Variants in BLCAP observed in about 807,000 individuals in gnomAD.
BLCAP encodes the protein BLCAP apoptosis inducing factor.
Under a neutral mutation model 5.7 loss-of-function variants are expected in BLCAP, and 1 was observed. The ratio of observed to expected loss-of-function variants is 0.18; its 90% confidence interval spans 0.06 to 0.83. The LOEUF (loss-of-function observed/expected upper bound fraction) is 0.83. Ranked by LOEUF, BLCAP falls within the 40% of genes least tolerant of loss-of-function variation. The pLI, the probability that BLCAP is intolerant of heterozygous loss-of-function variation, is 0.71. For missense variants in BLCAP, 66 were observed against 107.6 expected (o/e 0.61, Z 1.71); for synonymous variants, 48 against 49.4 (o/e 0.97, Z 0.11).
At chr20:37,520,371 C>G (rs943615583) in intron 1 of BLCAP, 3 of 152,276 alleles carry the variant, frequency 2.0e-5, no homozygotes, top group African/African-American at 7.2e-5. Context: ...GTAGCGTAAC[C>G]CCGTTCGGTG....
chr20:37,526,942 G>T (rs1256274791), intron 1 of BLCAP: 5 of 152,244 alleles, frequency 3.3e-5, no homozygotes, highest in Admixed American at 1.3e-4. Flanking sequence ...GGGCAGAGAA[G>T]CCGTCCCCAA....
intron 1 of BLCAP, among the ~76,000 whole-genome samples, chr20:37,525,772 T>G (rs2071708302): frequency 6.6e-6 from 1 of 152,168 alleles, no homozygotes; most frequent in South Asian, 2.1e-4. Context: ...TGCGAAGAAT[T>G]GAAAATGACT....
intron 1 of BLCAP, chr20:37,523,473 C>G (rs1259891833): frequency 6.5e-6 from 1 of 152,782 alleles, no homozygotes; most frequent in African/African-American, 2.4e-5. Flanking sequence ...CCCCTTGCCC[C>G]TCACTGATCT....
chr20:37,521,212 C>T lies in BLCAP; in HGVS notation c.-176-1862G>A. ...AAGGCGCGCATGCGCACTTAGGTGGCGGGCGGGTACTTAAGGCGCGGCCAC... is the reference window on the plus strand; with the variant it reads ...AAGGCGCGCATGCGCACTTAGGTGGTGGGCGGGTACTTAAGGCGCGGCCAC... On this transcript the variant is annotated intron_variant, in intron 1 of 1. Coordinates refer to ENST00000373537, the MANE Select transcript of BLCAP (RefSeq NM_006698.4). The surrounding 1 kb of genome is among the most constrained non-coding windows in gnomAD (Gnocchi z 4.5). 3.0e-6 allele frequency: 3 copies of T among 992,960 alleles called. No homozygotes were observed. The highest frequency in any genetic ancestry group is 1.4e-5 in the South Asian group (1 of 72,870). The allele number at this position is 992,960 out of a possible 1,614,324, so 61.5% of individuals were successfully genotyped here.
intron 1 of BLCAP, chr20:37,522,277 T>C: frequency 8.8e-7 from 1 of 1,130,816 alleles, no homozygotes; most frequent in East Asian, 2.4e-5. Flanking sequence ...CATAAAATCA[T>C]TTACCCTAAA....
chr20:37,525,665 C>A (rs1045930961), intron 1 of BLCAP, among the ~76,000 whole-genome samples: 2 of 152,214 alleles, frequency 1.3e-5, no homozygotes, highest in Non-Finnish European at 2.9e-5. Flanking sequence ...CCATCCAGTG[C>A]AATGCCATGC....
At position 37,518,383 on chromosome 20, in the gene BLCAP, T is replaced by G. The variant is rs1349002878; in HGVS notation, c.*528A>C. ...GATGAAAAAGCGAGGCTCTCGGGCG[T>G]CAGCAATCTCTTCAAATTCGAGATA... On this transcript the variant is annotated 3_prime_UTR_variant, in exon 2 of 2. Coordinates refer to ENST00000373537, the MANE Select transcript of BLCAP (RefSeq NM_006698.4). The G allele has an allele frequency of 6.5e-6, 1 of 152,944 alleles. No homozygotes were observed. Among genetic ancestry groups the G allele is most frequent in the African/African-American group, 2.4e-5 (1 of 41,444 alleles). 9.5% of individuals were successfully genotyped at this position (152,944 alleles called of 1,614,324 possible).
intron 1 of BLCAP, 55 bp from the exon 2 acceptor site, chr20:37,519,405 AAAAAAAAAAAAAAAAAAAG>A (rs1171226145): frequency 3.7e-5 from 5 of 136,488 alleles, no homozygotes; most frequent in African/African-American, 1.9e-4. Context: ...ACAGACAGAC[AAAAAAAAAAAAAAAAAAAG>A]AAAAAAAAAA....
chr20:37,524,754 A>T (rs964640026), intron 1 of BLCAP, among the ~76,000 whole-genome samples: 3 of 152,122 alleles, frequency 2.0e-5, no homozygotes, highest in African/African-American at 7.2e-5. Context: ...CCCAATCACC[A>T]GCACCTCTAA....
chr20:37,523,062 A>G (rs1229217952), intron 1 of BLCAP: 1 of 348,232 alleles, frequency 2.9e-6, no homozygotes, highest in Non-Finnish European at 5.2e-6. Context: ...TCTGATCTGG[A>G]CAAAGTCGGG....
At chr20:37,524,302 C>A in intron 1 of BLCAP, 1 of 152,446 alleles carries the variant, frequency 6.6e-6, no homozygotes. Flanking sequence ...CCCACCTCAC[C>A]CCAGAAACCT....
chr20:37,522,775 C>A (rs1236029836), intron 1 of BLCAP: 1 of 1,576,920 alleles, frequency 6.3e-7, no homozygotes, highest in East Asian at 2.3e-5. Flanking sequence ...CAGCTCCCAG[C>A]CCTGGGCGGC....
At chr20:37,523,715 C>T (rs746278720) in intron 1 of BLCAP, 4 of 152,676 alleles carry the variant, frequency 2.6e-5, no homozygotes, top group East Asian at 1.9e-4. Flanking sequence ...ATTTCTTTAG[C>T]GGCATCAACA....
chr20:37,519,210 G>A lies in BLCAP; in HGVS notation c.-36C>T, dbSNP rs530919366. 7.1e-6 allele frequency: 11 copies of A among 1,543,352 alleles called. No homozygotes were observed. The highest frequency in any genetic ancestry group is 4.8e-5 in the South Asian group (4 of 83,216). On this transcript the variant is annotated 5_prime_UTR_variant, in exon 2 of 2. Coordinates refer to ENST00000373537, the MANE Select transcript of BLCAP (RefSeq NM_006698.4). Reference sequence around the variant, plus strand: ...GGGCAGGGCCTTCACCAAGGCTGCCGGGCACCGCTGCAGGAACCGACCTAA... The same window carrying A: ...GGGCAGGGCCTTCACCAAGGCTGCCAGGCACCGCTGCAGGAACCGACCTAA...
Position 37,521,966 on chromosome 20 carries a change from G to A in BLCAP, c.-176-2616C>T, listed in dbSNP as rs1203367003. Among the ~76,000 whole-genome samples, 2 of 148,078 alleles carry A rather than the reference G, an allele frequency of 1.4e-5. No homozygotes were observed. Among genetic ancestry groups the A allele is most frequent in the Non-Finnish European group, 3.0e-5 (2 of 67,314 alleles). Reference sequence around the variant, plus strand: ...GTAGTTCACAGGAAAACAGAAAAACGCGCATTGCAGGAAAAATAAATCGGA... The same window carrying A: ...GTAGTTCACAGGAAAACAGAAAAACACGCATTGCAGGAAAAATAAATCGGA... On this transcript the variant is annotated intron_variant, in intron 1 of 1. Transcript: ENST00000373537. This position sits in a 1 kb window ranked among gnomAD's most constrained non-coding sequence, Gnocchi z 4.5.
chr20:37,522,208 A>T (rs981591218), intron 1 of BLCAP: 6 of 384,712 alleles, frequency 1.6e-5, no homozygotes, highest in South Asian at 1.4e-4. Flanking sequence ...TAAAAAAAAT[A>T]AAAAAGAGGC....
At chr20:37,522,563 AT>A in intron 1 of BLCAP, 1 of 808,260 alleles carries the variant, frequency 1.2e-6, no homozygotes, top group Non-Finnish European at 1.7e-6. Context: ...CCTACGCTGG[AT>A]GGGCGGGCGG....
rs779906209 is a variant in BLCAP at position 37,522,733 on chromosome 20, G to A, written c.-176-3383C>T. The stretch of plus-strand genomic sequence containing the variant: ...GCGGACCGGGCGGCAGGTGTTGGGG[G>A]AGCGCAGGCAGCGAGCCCCCAACTG... On this transcript the variant is annotated intron_variant, in intron 1 of 1. Coordinates refer to ENST00000373537, the MANE Select transcript of BLCAP (RefSeq NM_006698.4). 2.9e-5 allele frequency: 47 copies of A among 1,609,756 alleles called. 1 individual carries two copies. In the Admixed American group the frequency reaches 7.5e-4, roughly 26 times the overall value.
intron 1 of BLCAP, among the ~76,000 whole-genome samples, chr20:37,522,191 AT>A (rs375982710): frequency 5.4e-3 from 55 of 10,250 alleles, no homozygotes; most frequent in Middle Eastern, 0.071. Flanking sequence ...AAAAAAAAAA[AT>A]AATAATAAAA....
Sources: allele counts gnomAD v4.1 joint callset (sites outside exome capture counted in the v4.1 genomes callset), GRCh38; gene constraint gnomAD v4.1.1; non-coding constraint Gnocchi (gnomAD v3.1); transcripts MANE v1.5; gene names NCBI Gene and HGNC (gene_info 2026-07-23, HGNC 2026-07-21).